The following SCN4A variants were observed in gnomAD, a reference collection of about 807,000 sequenced individuals.
The protein encoded by SCN4A is sodium voltage-gated channel alpha subunit 4, also known as sodium channel protein type 4 subunit alpha.
In SCN4A, 83 loss-of-function variants were observed where a neutral mutation model predicts 162.0. That is an observed-to-expected ratio of 0.51 (90% confidence interval 0.43 to 0.61). SCN4A has a LOEUF of 0.61. Among genes scored for constraint, SCN4A ranks in the 20% least tolerant of loss-of-function variants. The pLI, the probability that SCN4A is intolerant of heterozygous loss-of-function variation, is 0.00. For missense variants in SCN4A, 2,196 were observed against 2,462.5 expected (o/e 0.89, Z 2.29); for synonymous variants, 944 against 985.1 (o/e 0.96, Z 0.78).
Position 63,947,062 on chromosome 17 carries a change from G to C in SCN4A, c.3424C>G (p.Arg1142Gly). Residue 1142 changes from arginine to glycine, a missense_variant, in exon 18 of 24, where the codon CGA (arginine) becomes GGA (glycine). Transcript: ENST00000435607. ...GCACCCACCCTCATGCCCTCGAATCGGGACAGTGCCCTCAGGGGACGCAGG... is the reference window on the plus strand; with the variant it reads ...GCACCCACCCTCATGCCCTCGAATCCGGACAGTGCCCTCAGGGGACGCAGG... ...RALRPLRALSRFEGMRVVVNA... is the reference protein window; with the variant it reads ...RALRPLRALSGFEGMRVVVNA... 1 of 1,566,118 alleles carries C rather than the reference G, an allele frequency of 6.4e-7. No individual in the cohort carries two copies. The highest frequency in any genetic ancestry group is 8.7e-7 in the Non-Finnish European group (1 of 1,150,146).
rs1239112997 is a variant in SCN4A at position 63,972,712 on chromosome 17, G to C, written c.130C>G (p.Gln44Glu). ...CGTTCGGGCTCCTCAATCTCCATCT[G>C]CTTATTCCGCTGCAGCCGGGCCTCC... Reference protein sequence around the residue: ...EEEARLQRNKQMEIEEPERKP... With the variant: ...EEEARLQRNKEMEIEEPERKP... The change falls in exon 1 of 24, where the codon CAG (glutamine) becomes GAG (glutamate). Residue 44 changes from glutamine (Q) to glutamate (E), a missense_variant. Transcript: ENST00000435607. This position sits in a 1 kb window ranked among gnomAD's most constrained non-coding sequence, Gnocchi z 4.3. 1.2e-6 allele frequency: 2 copies of C among 1,613,722 alleles called. No homozygotes were observed. Among genetic ancestry groups the C allele is most frequent in the Non-Finnish European group, 1.7e-6 (2 of 1,179,770 alleles).
chr17:63,943,217 A>T, intron 22 of SCN4A, 121 bp from the exon 23 acceptor site: 1 of 552,518 alleles, frequency 1.8e-6, no homozygotes, highest in South Asian at 2.3e-5. Context: ...GATGACAGAG[A>T]GAGAGAGAGA....
rs762973407 is a variant in SCN4A at position 63,972,883 on chromosome 17, C to A, written c.-42G>T. The A allele has an allele frequency of 5.7e-6, 9 of 1,565,512 alleles. No homozygotes were observed. The Admixed American group carries it at 1.6e-4, about 28-fold the overall frequency. ...CAGAGACCAGAAGGGTGGTGGGTGGCCTGGGGAGCTGCAGTGCGCAGCCCC... is the reference window on the plus strand; with the variant it reads ...CAGAGACCAGAAGGGTGGTGGGTGGACTGGGGAGCTGCAGTGCGCAGCCCC... On this transcript the variant is annotated 5_prime_UTR_variant, in exon 1 of 24. Coordinates refer to ENST00000435607, the MANE Select transcript of SCN4A (RefSeq NM_000334.4). This position sits in a 1 kb window ranked among gnomAD's most constrained non-coding sequence, Gnocchi z 4.3.
In SCN4A at chr17:63,961,202, C is replaced by T. The variant is rs1909241083; in HGVS notation, c.1836G>A (p.Val612=). 1.2e-6 allele frequency: 2 copies of T among 1,606,134 alleles called. No homozygotes were observed. Among genetic ancestry groups the T allele is most frequent in the Non-Finnish European group, 1.7e-6 (2 of 1,174,118 alleles). ...CCCCGCCCCTCCCTACCAGGTTGCCCACAGTGAGCACGTTGTCAAAGTGCT... is the reference window on the plus strand; with the variant it reads ...CCCCGCCCCTCCCTACCAGGTTGCCTACAGTGAGCACGTTGTCAAAGTGCT... ...MTEHFDNVLT[V]GNLVFTGIFT... The change falls in exon 11 of 24, where the codon GTG becomes GTA. Residue 612 remains valine (V), a synonymous_variant. Transcript: ENST00000435607.
At chr17:63,965,614 G>A (rs1341999807) in intron 8 of SCN4A, among the ~76,000 whole-genome samples, 1 of 152,124 alleles carries the variant, frequency 6.6e-6, no homozygotes, top group South Asian at 2.1e-4. Flanking sequence ...TCAGCCTCCT[G>A]AGTAGCTGGG....
At chr17:63,957,751 C>A (rs1909116868) in intron 12 of SCN4A, among the ~76,000 whole-genome samples, 1 of 152,114 alleles carries the variant, frequency 6.6e-6, no homozygotes, top group Admixed American at 6.5e-5. Context: ...CGCCTGTAAT[C>A]CCAGCACTTT....
At chr17:63,947,720 C>T (rs1301460990) in intron 17 of SCN4A, among the ~76,000 whole-genome samples, 170 bp downstream of exon 17, 1 of 152,242 alleles carries the variant, frequency 6.6e-6, no homozygotes, top group East Asian at 1.9e-4. Flanking sequence ...GCCTCCCAGT[C>T]CCTAACCCCT....
intron 12 of SCN4A, among the ~76,000 whole-genome samples, chr17:63,958,825 T>C (rs2144794971): frequency 6.6e-6 from 1 of 152,346 alleles, no homozygotes; most frequent in Non-Finnish European, 1.5e-5. Context: ...AGTGTTGGGA[T>C]TACAGGCGTG....
rs1908690070 is a variant in SCN4A at position 63,945,577 on chromosome 17, A to C, written c.3503T>G (p.Leu1168Arg). ...PSIMNVLLVC[L>R]IFWLIFSIMG... ...GATGCTGAAGATCAGCCAGAAGATGAGGCAGACAAGCAGCACATTCATGAT... is the reference window on the plus strand; with the variant it reads ...GATGCTGAAGATCAGCCAGAAGATGCGGCAGACAAGCAGCACATTCATGAT... The change falls in exon 19 of 24, where the codon CTC (leucine) becomes CGC (arginine). Residue 1168 changes from leucine (L) to arginine (R), a missense_variant. Leu to Arg is a moderately radical substitution (Grantham distance 102, BLOSUM62 -2). Transcript: ENST00000435607. This position sits in a 1 kb window ranked among gnomAD's most constrained non-coding sequence, Gnocchi z 4.4. The C allele has an allele frequency of 6.2e-7, 1 of 1,613,894 alleles. No individual in the cohort carries two copies. Among genetic ancestry groups the C allele is most frequent in the Non-Finnish European group, 8.5e-7 (1 of 1,179,940 alleles).
rs373819078 is a variant in SCN4A, at chr17:63,963,718, C to G, written c.1560G>C (p.Pro520=). The part of the protein sequence containing the change: ...LDTSQGEKGA[P]RQSSSGDSGI... ...CGCTGTCTCCGCTGCTGCTCTGCCT[C>G]GGGGCTCCCTTCTCCCCTTGCGATG... The change falls in exon 10 of 24, where the codon CCG becomes CCC. Residue 520 remains proline, a synonymous_variant. Coordinates refer to ENST00000435607, the MANE Select transcript of SCN4A (RefSeq NM_000334.4). 1.9e-6 allele frequency: 3 copies of G among 1,601,844 alleles called. No homozygotes were observed. The highest frequency in any genetic ancestry group is 2.6e-6 in the Non-Finnish European group (3 of 1,173,892).
At chr17:63,967,991 T>A in intron 6 of SCN4A, 32 bp downstream of exon 6, 2 of 1,526,780 alleles carry the variant, frequency 1.3e-6, no homozygotes, top group South Asian at 1.1e-5. Flanking sequence ...TGGGACAGGA[T>A]CCCCCTTGCC....
Position 63,945,073 on chromosome 17 carries a change from G to C in SCN4A, c.3721-13C>G. ...CCTTGAAGGTGGCCTGAGAGAGTGTGGTTGGGGAGTGAGCCGGGGGGCTGC... is the reference window on the plus strand; with the variant it reads ...CCTTGAAGGTGGCCTGAGAGAGTGTCGTTGGGGAGTGAGCCGGGGGGCTGC... On this transcript the variant is annotated splice_polypyrimidine_tract_variant and intron_variant, in intron 19 of 23. Transcript: ENST00000435607. The surrounding 1 kb of genome is among the most constrained non-coding windows in gnomAD (Gnocchi z 4.4). 6.2e-7 allele frequency: 1 copy of C among 1,612,732 alleles called. No individual in the cohort carries two copies. The highest frequency in any genetic ancestry group is 1.1e-5 in the South Asian group (1 of 90,904).
intron 17 of SCN4A, among the ~76,000 whole-genome samples, chr17:63,947,483 G>T (rs1908763732): frequency 6.6e-6 from 1 of 152,186 alleles, no homozygotes; most frequent in East Asian, 1.9e-4. Flanking sequence ...GCCGGGCATG[G>T]TGGCTCACAC....
At chr17:63,963,202 G>A (rs575318051) in intron 10 of SCN4A, among the ~76,000 whole-genome samples, 1 of 152,306 alleles carries the variant, frequency 6.6e-6, no homozygotes, top group East Asian at 1.9e-4. Flanking sequence ...GTGGCACAGG[G>A]ATTGGGGAGT....
At chr17:63,943,136 G>T (rs1908600172) in intron 22 of SCN4A, 40 bp from the exon 23 acceptor site, 1 of 1,588,174 alleles carries the variant, frequency 6.3e-7, no homozygotes, top group Non-Finnish European at 8.6e-7. Context: ...GAGTTGGGGT[G>T]GCCAGGCCCA....
intron 12 of SCN4A, among the ~76,000 whole-genome samples, chr17:63,958,002 T>TA (rs60393540): frequency 0.083 from 4,588 of 55,158 alleles, 122 homozygotes; most frequent in African/African-American, 0.15. Flanking sequence ...AAAACTCCAC[T>TA]AAAAAAAAAA....
chr17:63,965,951 G>A (rs1451823098), intron 8 of SCN4A, 151 bp downstream of exon 8: 1 of 618,708 alleles, frequency 1.6e-6, no homozygotes, highest in African/African-American at 1.8e-5. Flanking sequence ...GAGAGCACAA[G>A]CTCCTATAAG....
At chr17:63,955,912 A>G (rs181401556) in intron 13 of SCN4A, among the ~76,000 whole-genome samples, 1 of 152,354 alleles carries the variant, frequency 6.6e-6, no homozygotes, top group East Asian at 1.9e-4. Flanking sequence ...GGGATTCCAT[A>G]GGCCTTTGGG....
intron 11 of SCN4A, among the ~76,000 whole-genome samples, chr17:63,960,414 C>T (rs565152077): frequency 5.9e-5 from 9 of 152,352 alleles, no homozygotes; most frequent in African/African-American, 1.9e-4. Flanking sequence ...GTTTGATTCT[C>T]GTGCCACCCA....
Sources: allele counts gnomAD v4.1 joint callset (sites outside exome capture counted in the v4.1 genomes callset), GRCh38; gene constraint gnomAD v4.1.1; non-coding constraint Gnocchi (gnomAD v3.1); transcripts MANE v1.5; gene names NCBI Gene and HGNC (gene_info 2026-07-23, HGNC 2026-07-21).